ABCA6: variants seen among roughly 807,000 people sequenced by gnomAD.
ABCA6 encodes ATP binding cassette subfamily A member 6, also known as ATP-binding cassette sub-family A member 6.
Under a neutral mutation model 191.2 loss-of-function variants are expected in ABCA6, and 164 were observed. The observed-to-expected ratio is 0.86, with a 90% CI of 0.76 to 0.98. The LOEUF is 0.98. Among genes scored for constraint, ABCA6 ranks in the 50% least tolerant of loss-of-function variants. ABCA6 has a pLI of 0.00. For synonymous variants in ABCA6, 636 were observed against 647.7 expected (o/e 0.98, Z 0.27); for missense variants, 1,958 against 1,894.1 (o/e 1.03, Z -0.63).
At chr17:69,096,592 C>T in intron 24 of ABCA6, 36 bp downstream of exon 24, 1 of 1,348,142 alleles carries the variant, frequency 7.4e-7, no homozygotes, top group Non-Finnish European at 9.8e-7. Flanking sequence ...TTATTAATTA[C>T]TTTATGAAAT....
rs763167380 is a variant in ABCA6 at position 69,112,221 on chromosome 17, CAT to C, written c.2092_2093del (p.Met698ValfsTer16). On this transcript the variant is annotated frameshift_variant, in exon 16 of 39. Coordinates refer to ENST00000284425, the MANE Select transcript of ABCA6 (RefSeq NM_080284.3). LOFTEE classifies it high-confidence loss of function. ...CAAGACCCCACCTTCTTTTCAAAAA[CAT>C]AGAAGAACCTGCACACTTCAGTCTC... The part of the protein sequence containing the change: ...NGRLKCAGSS[M>X]FLKRRWGLGY... 1.9e-6 allele frequency: 3 copies of C among 1,612,160 alleles called. No homozygotes were observed. Among genetic ancestry groups the C allele is most frequent in the African/African-American group, 2.7e-5 (2 of 74,582 alleles).
At chr17:69,088,391 T>G (rs2072853604) in intron 27 of ABCA6, 133 bp from the exon 28 acceptor site, 1 of 644,244 alleles carries the variant, frequency 1.6e-6, no homozygotes, top group Non-Finnish European at 2.5e-6. Context: ...GGGAGAAATG[T>G]AGCTATACAT....
chr17:69,133,515 T>A, intron 6 of ABCA6, 126 bp downstream of exon 6: 1 of 727,502 alleles, frequency 1.4e-6, no homozygotes, highest in South Asian at 2.2e-5. Context: ...AGTAAAAAAC[T>A]CAGAACAAAA....
chr17:69,136,334 A>G (rs2073948462), intron 3 of ABCA6, 84 bp from the exon 4 acceptor site: 1 of 1,046,590 alleles, frequency 9.6e-7, no homozygotes, highest in Non-Finnish European at 1.3e-6. Flanking sequence ...GTTTCCCCAT[A>G]TAATTTCATT....
chr17:69,088,029 A>G, intron 28 of ABCA6, 138 bp downstream of exon 28: 3 of 746,464 alleles, frequency 4.0e-6, no homozygotes, highest in Non-Finnish European at 6.0e-6. Context: ...GCAGTAAGGC[A>G]GCAATCCACA....
chr17:69,118,443 G>A (rs1035328467), intron 10 of ABCA6, among the ~76,000 whole-genome samples: 3 of 151,884 alleles, frequency 2.0e-5, no homozygotes, highest in Non-Finnish European at 4.4e-5. Flanking sequence ...TCCCTGTATT[G>A]TACAAAATTC....
chr17:69,110,436 G>A (rs548045105), intron 17 of ABCA6: 1 of 203,702 alleles, frequency 4.9e-6, no homozygotes, highest in South Asian at 9.1e-5. Flanking sequence ...ACAATGGATA[G>A]GGAACAGTGG....
rs764498049 is a variant in ABCA6 at position 69,084,514 on chromosome 17, G to GA, written c.4185-8dup. 10 of 1,613,720 alleles carry GA rather than the reference G, an allele frequency of 6.2e-6. No individual in the cohort carries two copies. In the East Asian group the frequency reaches 2.2e-4, roughly 36 times the overall value. On this transcript the variant is annotated splice_polypyrimidine_tract_variant and splice_region_variant and intron_variant, in intron 32 of 38. Transcript: ENST00000284425. ...TTTGAAAGCACTCACTAATCTGACA[G>GA]AAAACAGAATGAGAATATCTGGTCA...
chr17:69,081,478 T>C (rs1490417079), intron 36 of ABCA6, among the ~76,000 whole-genome samples: 1 of 152,236 alleles, frequency 6.6e-6, no homozygotes, highest in Non-Finnish European at 1.5e-5. Context: ...TTCATCTTTG[T>C]CATCAGAAAG....
At chr17:69,122,470 T>C (rs893579670) in intron 10 of ABCA6, among the ~76,000 whole-genome samples, 2 of 152,056 alleles carry the variant, frequency 1.3e-5, no homozygotes, top group Non-Finnish European at 2.9e-5. Context: ...TTCTGTGATA[T>C]ACCAAGTCTC....
At chr17:69,085,552 T>C (rs1003456653) in intron 31 of ABCA6, 73 bp downstream of exon 31, 13 of 881,478 alleles carry the variant, frequency 1.5e-5, no homozygotes, top group Non-Finnish European at 2.2e-5. Flanking sequence ...AAAAATAGTA[T>C]AGTCTTACAA....
intron 25 of ABCA6, among the ~76,000 whole-genome samples, chr17:69,096,002 G>A (rs147727101): frequency 1.1e-4 from 16 of 152,308 alleles, no homozygotes; most frequent in African/African-American, 3.6e-4. Flanking sequence ...TCAACAGGAC[G>A]TTTCAGACGT....
At chr17:69,121,557 C>A (rs1261868228) in intron 10 of ABCA6, among the ~76,000 whole-genome samples, 1 of 151,880 alleles carries the variant, frequency 6.6e-6, no homozygotes, top group Non-Finnish European at 1.5e-5. Context: ...ACCCAGTCAA[C>A]ACTGTATACA....
In ABCA6 at chr17:69,096,362, A is replaced by C. The variant is rs771895796; in HGVS notation, c.3295-9T>G. ...CCAGGAGTAACTATAACCTGAGCAT[A>C]AAAGAAATAATAACATAGTCAAAAA... On this transcript the variant is annotated splice_polypyrimidine_tract_variant and intron_variant, in intron 24 of 38. Transcript: ENST00000284425. The C allele has an allele frequency of 7.3e-7, 1 of 1,367,346 alleles. No homozygotes were observed. 84.7% of individuals were successfully genotyped at this position (1,367,346 alleles called of 1,614,324 possible). A position where few individuals can be genotyped will look rare whatever the true frequency, so the allele number is the denominator to read the frequency against.
rs183204058 is a variant in ABCA6, at chr17:69,113,593, C to T, written c.1902+25G>A. 76 of 1,612,516 alleles carry T rather than the reference C, an allele frequency of 4.7e-5. No homozygotes were observed. The African/African-American group carries it at 9.5e-4, about 20-fold the overall frequency. ...ATTTTGCAGACATTCGACCTGCTTC[C>T]TTCCCCATGCATAATCTCACTTACT... On this transcript the variant is annotated intron_variant, in intron 14 of 38. Transcript: ENST00000284425.
chr17:69,102,280 G>A (rs761838386), intron 21 of ABCA6, among the ~76,000 whole-genome samples: 2 of 152,022 alleles, frequency 1.3e-5, no homozygotes, highest in Non-Finnish European at 2.9e-5. Flanking sequence ...GGAGGCAGAG[G>A]TGTAGTGAAC....
intron 13 of ABCA6, among the ~76,000 whole-genome samples, 155 bp downstream of exon 13, chr17:69,114,607 T>C (rs1446933664): frequency 6.6e-6 from 1 of 152,160 alleles, no homozygotes; most frequent in Non-Finnish European, 1.5e-5. Context: ...TATGCAATTT[T>C]AACCACTCAT....
chr17:69,088,539 C>A (rs1342178086), intron 27 of ABCA6, among the ~76,000 whole-genome samples: 1 of 152,192 alleles, frequency 6.6e-6, no homozygotes, highest in Non-Finnish European at 1.5e-5. Context: ...TACTCCCACC[C>A]AGGCCTAGGT....
At position 69,100,856 on chromosome 17, in the gene ABCA6, G is replaced by A. The variant is rs1418354586; in HGVS notation, c.2953C>T (p.Leu985=). The stretch of plus-strand genomic sequence containing the variant: ...TGTGTGTGATTAAACATTTGAAGTA[G>A]CCCATTGCTGATAATATTCATAAGA... The part of the protein sequence containing the change: ...PILMNIISNG[L]LQMFNHTQHI... The change falls in exon 22 of 39, where the codon CTA becomes TTA. Residue 985 remains leucine, a synonymous_variant. Coordinates refer to ENST00000284425, the MANE Select transcript of ABCA6 (RefSeq NM_080284.3). 1 of 1,612,518 alleles carries A rather than the reference G, an allele frequency of 6.2e-7. No homozygotes were observed. Among genetic ancestry groups the A allele is most frequent in the Non-Finnish European group, 8.5e-7 (1 of 1,179,172 alleles).
Sources: allele counts gnomAD v4.1 joint callset (sites outside exome capture counted in the v4.1 genomes callset), GRCh38; gene constraint gnomAD v4.1.1; transcripts MANE v1.5; gene names NCBI Gene and HGNC (gene_info 2026-07-23, HGNC 2026-07-21).